Variants in CHCHD3 observed in about 807,000 individuals in gnomAD.
CHCHD3 encodes the protein coiled-coil-helix-coiled-coil-helix domain containing 3.
CHCHD3 carries 20 observed loss-of-function variants against 38.2 expected under a neutral mutation model. That is an observed-to-expected ratio of 0.52 (90% CI 0.37 to 0.76). CHCHD3 has a LOEUF of 0.76. CHCHD3 is among the 30% of genes least tolerant of loss of function. CHCHD3 has a pLI of 0.00. For synonymous variants in CHCHD3, 82 were observed against 100.0 expected (o/e 0.82, Z 1.07); for missense variants, 245 against 279.2 (o/e 0.88, Z 0.87).
intron 4 of CHCHD3, among the ~76,000 whole-genome samples, chr7:132,910,823 T>C (rs1218101259): frequency 6.6e-6 from 1 of 152,190 alleles, no homozygotes; most frequent in African/African-American, 2.4e-5. Flanking sequence ...TTCCTGACCC[T>C]ACCGAGTCTG....
At chr7:132,949,514 G>A (rs181566590) in intron 4 of CHCHD3, among the ~76,000 whole-genome samples, 1 of 152,222 alleles carries the variant, frequency 6.6e-6, no homozygotes, top group Admixed American at 6.5e-5. Context: ...AACAGTAATT[G>A]TTCCAGAATG....
rs184056730 is a variant in CHCHD3 at position 132,841,300 on chromosome 7, A to C, written c.454-2831T>G. ...CAATTATTATCATGGAAAGTCACAA[A>C]TGCCGAGTTAAAAGTCATAGATAAG... On this transcript the variant is annotated intron_variant, in intron 5 of 7. Transcript: ENST00000262570. 4.6e-5 allele frequency among the ~76,000 whole-genome samples: 7 copies of C among 152,164 alleles called. No homozygotes were observed. The East Asian group carries it at 9.7e-4, about 21-fold the overall frequency.
chr7:133,062,808 C>A (rs1814555017), intron 2 of CHCHD3, among the ~76,000 whole-genome samples: 1 of 152,068 alleles, frequency 6.6e-6, no homozygotes, highest in Non-Finnish European at 1.5e-5. Flanking sequence ...TAGGGAGTGT[C>A]CGGCCCACTT....
intron 4 of CHCHD3, among the ~76,000 whole-genome samples, chr7:132,914,923 A>G (rs2117226470): frequency 6.6e-6 from 1 of 152,298 alleles, no homozygotes; most frequent in East Asian, 1.9e-4. Context: ...GCACTTCAGG[A>G]GGCTGAGGCG....
intron 4 of CHCHD3, among the ~76,000 whole-genome samples, chr7:132,933,230 C>T (rs1399735032): frequency 6.6e-6 from 1 of 152,188 alleles, no homozygotes; most frequent in East Asian, 1.9e-4. Context: ...ACATTTTCCA[C>T]AGAATCTAAT....
chr7:132,890,393 A>G (rs979221725), intron 4 of CHCHD3, among the ~76,000 whole-genome samples: 17 of 152,184 alleles, frequency 1.1e-4, no homozygotes, highest in African/African-American at 4.1e-4. Flanking sequence ...TCCCATGAAT[A>G]GTCCAGGCTA....
chr7:132,879,716 T>TAAAAAAAAAA lies in CHCHD3; in HGVS notation c.453+5936_453+5945dup, dbSNP rs56259114. ...AACTATCAGAACACTTTGTCAAAAG[T>TAAAAAAAAAA]AAAAAAAAAAAAAAAAAAAAAAAAA... On this transcript the variant is annotated intron_variant, in intron 5 of 7. Transcript: ENST00000262570. Among the ~76,000 whole-genome samples the TAAAAAAAAAA allele has an allele frequency of 1.2e-3, 46 of 38,432 alleles. 3 individuals are homozygous for TAAAAAAAAAA. The highest frequency in any genetic ancestry group is 5.8e-3 in the East Asian group (5 of 862). The allele number at this position is 38,432 out of a possible 152,430, so 25.2% of individuals were successfully genotyped here.
intron 3 of CHCHD3, among the ~76,000 whole-genome samples, chr7:132,994,154 CAT>C (rs1812352806): frequency 6.6e-6 from 1 of 152,126 alleles, no homozygotes; most frequent in Non-Finnish European, 1.5e-5. Context: ...TGAGGTTTAA[CAT>C]AGCCCCCTCC....
chr7:132,965,465 A>C (rs999861875), intron 4 of CHCHD3, among the ~76,000 whole-genome samples: 1 of 151,996 alleles, frequency 6.6e-6, no homozygotes, highest in African/African-American at 2.4e-5. Context: ...AAAAAAAAAA[A>C]AACTAAATCT....
chr7:132,809,125 A>ATT lies in CHCHD3; in HGVS notation c.525-12550_525-12549dup, dbSNP rs35514520. On this transcript the variant is annotated intron_variant, in intron 6 of 7. Transcript: ENST00000262570. ...CCACCACACTTGGCTAATTTTTGTG[A>ATT]TTTTTTTTTTTTTTTTGCTGAGATG... Among the ~76,000 whole-genome samples the ATT allele has an allele frequency of 1.8e-3, 234 of 131,502 alleles. 1 individual carries two copies. Among genetic ancestry groups the ATT allele is most frequent in the East Asian group, 4.7e-3 (21 of 4,506 alleles). The allele number at this position is 131,502 out of a possible 152,430, so 86.3% of individuals were successfully genotyped here.
intron 2 of CHCHD3, among the ~76,000 whole-genome samples, chr7:133,067,434 AT>A (rs1406360443): frequency 6.6e-6 from 1 of 152,246 alleles, no homozygotes; most frequent in Non-Finnish European, 1.5e-5. Flanking sequence ...GATACACGTC[AT>A]AAGTACTTAC....
chr7:132,900,738 C>T (rs1318059029), intron 4 of CHCHD3, among the ~76,000 whole-genome samples: 2 of 152,132 alleles, frequency 1.3e-5, no homozygotes, highest in Non-Finnish European at 2.9e-5. Context: ...GGCCTGTAAA[C>T]CCAGCACTTT....
chr7:132,920,920 C>A (rs2117237753), intron 4 of CHCHD3, among the ~76,000 whole-genome samples: 1 of 152,082 alleles, frequency 6.6e-6, no homozygotes, highest in East Asian at 1.9e-4. Context: ...AGCTCGGCTT[C>A]TTTGTTGATA....
intron 2 of CHCHD3, among the ~76,000 whole-genome samples, chr7:133,059,831 T>C (rs1195433200): frequency 6.6e-6 from 1 of 152,188 alleles, no homozygotes; most frequent in Non-Finnish European, 1.5e-5. Flanking sequence ...CTTGTACATA[T>C]CAGGCTTCAT....
chr7:132,987,467 T>C (rs1292547904), intron 3 of CHCHD3, among the ~76,000 whole-genome samples: 1 of 152,194 alleles, frequency 6.6e-6, no homozygotes, highest in Non-Finnish European at 1.5e-5. Context: ...GGCTTCAAGA[T>C]GGACCTTGGA....
chr7:132,839,140 G>A lies in CHCHD3; in HGVS notation c.454-671C>T, dbSNP rs528480934. On this transcript the variant is annotated intron_variant, in intron 5 of 7. Transcript: ENST00000262570. The stretch of plus-strand genomic sequence containing the variant: ...CCGGGAGGTGGAGGTTGCGGTGAGC[G>A]GAGATGGAGCCATTGCACTCCAGTC... 8.6e-5 allele frequency among the ~76,000 whole-genome samples: 13 copies of A among 151,900 alleles called. No individual in the cohort carries two copies. In the South Asian group the frequency reaches 1.0e-3, roughly 12 times the overall value.
chr7:132,949,381 C>A (rs2117284451), intron 4 of CHCHD3, among the ~76,000 whole-genome samples: 1 of 152,212 alleles, frequency 6.6e-6, no homozygotes, highest in Middle Eastern at 3.4e-3. Flanking sequence ...CTGCCCGGAA[C>A]AAGAAGATAC....
chr7:132,931,945 C>T (rs572511824), intron 4 of CHCHD3, among the ~76,000 whole-genome samples: 2 of 152,232 alleles, frequency 1.3e-5, no homozygotes, highest in East Asian at 3.9e-4. Context: ...AGCAAGAAAA[C>T]AGCCAGCTGT....
At chr7:132,820,459 T>C (rs777684840) in intron 6 of CHCHD3, among the ~76,000 whole-genome samples, 13 of 152,194 alleles carry the variant, frequency 8.5e-5, no homozygotes, top group Admixed American at 7.2e-4. Flanking sequence ...TTCTCTTTGC[T>C]ATGGCTTCCG....
Sources: allele counts gnomAD v4.1 joint callset (sites outside exome capture counted in the v4.1 genomes callset), GRCh38; gene constraint gnomAD v4.1.1; transcripts MANE v1.5; gene names NCBI Gene and HGNC (gene_info 2026-07-23, HGNC 2026-07-21).